The following MCOLN3 variants were observed in gnomAD, a reference collection of about 807,000 sequenced individuals.
MCOLN3 encodes mucolipin TRP cation channel 3, also known as mucolipin-3.
MCOLN3 carries 62 observed loss-of-function variants against 69.4 expected under a neutral mutation model. That is an observed-to-expected ratio of 0.89 (90% CI 0.73 to 1.10). The LOEUF (loss-of-function observed/expected upper bound fraction) is 1.10, where lower values mean the gene tolerates loss of function less well. Ranked by LOEUF, MCOLN3 falls within the 50% of genes least tolerant of loss-of-function variation. The pLI, the probability that MCOLN3 is intolerant of heterozygous loss-of-function variation, is 0.00. For synonymous variants in MCOLN3, 183 were observed against 217.0 expected, an observed-to-expected ratio of 0.84 and a Z score of 1.38; for missense variants, 564 against 656.4, an observed-to-expected ratio of 0.86 and a Z score of 1.54.
At chr1:85,043,529 CAAAA>C (rs11409671) in intron 2 of MCOLN3, among the ~76,000 whole-genome samples, 1 of 141,460 alleles carries the variant, frequency 7.1e-6, no homozygotes, top group East Asian at 2.1e-4. Context: ...GACTCCATCT[CAAAA>C]AAAAAAAAAG....
intron 12 of MCOLN3, among the ~76,000 whole-genome samples, chr1:85,020,754 C>A (rs955213169): frequency 6.6e-6 from 1 of 152,212 alleles, no homozygotes; most frequent in Non-Finnish European, 1.5e-5. Context: ...GTTTTATTCA[C>A]ACAATATCTA....
At position 85,031,375 on chromosome 1, in the gene MCOLN3, TAG is replaced by T. The variant is rs533380310; in HGVS notation, c.732+1319_732+1320del. On this transcript the variant is annotated intron_variant, in intron 6 of 12. Coordinates refer to ENST00000370589, the MANE Select transcript of MCOLN3 (RefSeq NM_018298.11). The stretch of plus-strand genomic sequence containing the variant: ...AATTTATTTTATATTTCAATATAAA[TAG>T]AGGAGTAGATTTAGAATATTCTCAA... 5.3e-3 allele frequency among the ~76,000 whole-genome samples: 801 copies of T among 151,968 alleles called. 4 individuals carry two copies. Among genetic ancestry groups the T allele is most frequent in the Middle Eastern group, 0.034 (10 of 290 alleles).
chr1:85,039,136 A>T lies in MCOLN3; in HGVS notation c.396+1874T>A, dbSNP rs541323671. 1.3e-3 allele frequency among the ~76,000 whole-genome samples: 195 copies of T among 152,358 alleles called. 1 individual carries two copies. The highest frequency in any genetic ancestry group is 3.4e-3 in the Middle Eastern group (1 of 294). ...CTTATTCATAAAAATTTTGATCAAGACACTTTTTATCTTCAGCTAAAAGTA... is the reference window on the plus strand; with the variant it reads ...CTTATTCATAAAAATTTTGATCAAGTCACTTTTTATCTTCAGCTAAAAGTA... On this transcript the variant is annotated intron_variant, in intron 3 of 12. Transcript: ENST00000370589.
chr1:85,034,064 A>G (rs1210910957), intron 4 of MCOLN3, 34 bp downstream of exon 4: 2 of 1,603,316 alleles, frequency 1.2e-6, no homozygotes, highest in African/African-American at 2.7e-5. Flanking sequence ...TGAGGTGTTA[A>G]AAATTGAGGT....
chr1:85,018,879 A>G lies in MCOLN3; in HGVS notation c.*244T>C. The G allele has an allele frequency of 2.4e-6, 1 of 409,522 alleles. No homozygotes were observed. The highest frequency in any genetic ancestry group is 4.3e-6 in the Non-Finnish European group (1 of 231,328). 25.4% of individuals were successfully genotyped at this position (409,522 alleles called of 1,614,324 possible). On this transcript the variant is annotated 3_prime_UTR_variant, in exon 13 of 13. Transcript: ENST00000370589. The stretch of plus-strand genomic sequence containing the variant: ...ACATTCTAAAGCCATGGCAAAATAA[A>G]CAAGAAATAATAATAATCCAATAGC...
At position 85,022,382 on chromosome 1, in the gene MCOLN3, C is replaced by T; in HGVS notation, c.1114G>A (p.Val372Ile). The T allele has an allele frequency of 1.2e-6, 2 of 1,608,558 alleles. No homozygotes were observed. The highest frequency in any genetic ancestry group is 8.5e-7 in the Non-Finnish European group (1 of 1,175,638). Reference protein sequence around the residue: ...IQAKSLTSYDVCSILLGTSTM... With the variant: ...IQAKSLTSYDICSILLGTSTM... The stretch of plus-strand genomic sequence containing the variant: ...GAAGTCCCAAGAAGTATGCTACAGA[C>T]ATCATAACTAGTTAGACTCTAAGAG... Residue 372 changes from valine (V) to isoleucine (I), a missense_variant, in exon 10 of 13, where the codon GTC becomes ATC. Val to Ile is a conservative substitution (Grantham distance 29, BLOSUM62 3). Coordinates refer to ENST00000370589, the MANE Select transcript of MCOLN3 (RefSeq NM_018298.11).
chr1:85,035,299 C>T (rs1245212779), intron 3 of MCOLN3, among the ~76,000 whole-genome samples: 1 of 152,190 alleles, frequency 6.6e-6, no homozygotes, highest in African/African-American at 2.4e-5. Flanking sequence ...ACATTCTCTC[C>T]ACAGCTGACT....
intron 7 of MCOLN3, 99 bp from the exon 8 acceptor site, chr1:85,026,383 G>T: frequency 1.2e-6 from 1 of 827,422 alleles, no homozygotes; most frequent in Non-Finnish European, 2.0e-6. Flanking sequence ...CATTCTTTCT[G>T]GTAAGACAAC....
intron 12 of MCOLN3, among the ~76,000 whole-genome samples, chr1:85,020,177 G>A (rs1054059601): frequency 6.6e-6 from 1 of 152,194 alleles, no homozygotes; most frequent in Non-Finnish European, 1.5e-5. Context: ...GTGATCCTAA[G>A]GACACATCTG....
chr1:85,036,120 C>T (rs1652788146), intron 3 of MCOLN3, among the ~76,000 whole-genome samples: 7 of 152,198 alleles, frequency 4.6e-5, no homozygotes, highest in Admixed American at 4.6e-4. Context: ...AATATGACCT[C>T]CTTGACTTTA....
chr1:85,027,454 G>A (rs149985823), intron 7 of MCOLN3, among the ~76,000 whole-genome samples: 102 of 152,326 alleles, frequency 6.7e-4, no homozygotes, highest in African/African-American at 2.4e-3. Context: ...TGCAGGGCTA[G>A]TCAGTGAAAG....
At chr1:85,029,037 G>T in intron 7 of MCOLN3, 69 bp downstream of exon 7, 2 of 971,384 alleles carry the variant, frequency 2.1e-6, no homozygotes, top group Non-Finnish European at 3.2e-6. Context: ...TATCCAGAGG[G>T]TGCTATTTTA....
chr1:85,030,944 G>A (rs1475978509), intron 6 of MCOLN3, among the ~76,000 whole-genome samples: 3 of 152,138 alleles, frequency 2.0e-5, no homozygotes, highest in East Asian at 1.9e-4. Flanking sequence ...TTGGGGAGGC[G>A]TGGGGGATAA....
intron 7 of MCOLN3, among the ~76,000 whole-genome samples, chr1:85,027,934 C>A (rs1652306007): frequency 6.6e-6 from 1 of 152,298 alleles, no homozygotes; most frequent in South Asian, 2.1e-4. Flanking sequence ...AAAGAAAGTA[C>A]TTAAAACTAG....
intron 10 of MCOLN3, 28 bp downstream of exon 10, chr1:85,022,271 C>T (rs1469566499): frequency 1.2e-5 from 20 of 1,613,496 alleles, no homozygotes; most frequent in Non-Finnish European, 1.7e-5. Flanking sequence ...GAAATACCAA[C>T]AGCATGGAGA....
At chr1:85,025,766 G>T in intron 9 of MCOLN3, 173 bp downstream of exon 9, 1 of 624,418 alleles carries the variant, frequency 1.6e-6, no homozygotes, top group Non-Finnish European at 2.7e-6. Flanking sequence ...GAAAAACTCT[G>T]CCTAAGAGAC....
At chr1:85,041,433 T>C (rs1653058401) in intron 2 of MCOLN3, among the ~76,000 whole-genome samples, 1 of 152,172 alleles carries the variant, frequency 6.6e-6, no homozygotes, top group African/African-American at 2.4e-5. Context: ...CATGTTTAAA[T>C]TAAAGTATAT....
intron 7 of MCOLN3, among the ~76,000 whole-genome samples, chr1:85,028,893 C>G (rs1009395524): frequency 6.6e-6 from 1 of 152,036 alleles, no homozygotes; most frequent in African/African-American, 2.4e-5. Context: ...CAGGAGTGGG[C>G]AAGTGAGGGC....
At chr1:85,034,003 C>T in intron 4 of MCOLN3, 95 bp downstream of exon 4, 1 of 1,340,274 alleles carries the variant, frequency 7.5e-7, no homozygotes, top group Non-Finnish European at 1.0e-6. Context: ...CCTAATATCA[C>T]AGACCAAATC....
Sources: gnomAD v4.1 joint callset for allele counts (sites outside exome capture counted in the v4.1 genomes callset) on GRCh38, gnomAD v4.1.1 for gene constraint, MANE v1.5 for transcripts, NCBI Gene and HGNC (gene_info 2026-07-23, HGNC 2026-07-21) for gene names.